Variants in CCDC102B observed in about 807,000 individuals in gnomAD.
CCDC102B encodes coiled-coil domain-containing protein 102B.
In CCDC102B, 75 loss-of-function variants were observed where a neutral mutation model predicts 57.4. The ratio of observed to expected loss-of-function variants is 1.31; its 90% CI spans 1.08 to 1.58. CCDC102B has a LOEUF of 1.58. Among genes scored for constraint, CCDC102B ranks in the 40% most tolerant of loss-of-function variants. CCDC102B has a pLI of 0.00. For synonymous variants in CCDC102B, 206 were observed against 201.9 expected (o/e 1.02, Z -0.17); for missense variants, 636 against 582.6 (o/e 1.09, Z -0.94).
chr18:68,963,618 A>T (rs938657092), intron 6 of CCDC102B, among the ~76,000 whole-genome samples: 1 of 151,800 alleles, frequency 6.6e-6, no homozygotes, highest in African/African-American at 2.4e-5. Flanking sequence ...ATATTGGGAT[A>T]ATCTGGCCTC....
intron 7 of CCDC102B, among the ~76,000 whole-genome samples, chr18:69,011,945 A>T (rs1051082434): frequency 1.6e-4 from 25 of 152,218 alleles, no homozygotes; most frequent in Non-Finnish European, 5.9e-5. Context: ...ATTTGTTTTT[A>T]GTAAAAACAA....
At chr18:68,900,602 G>C in intron 6 of CCDC102B, among the ~76,000 whole-genome samples, 1 of 152,102 alleles carries the variant, frequency 6.6e-6, no homozygotes, top group African/African-American at 2.4e-5. Context: ...TAGTGGCATC[G>C]AAAGTGGGGT....
chr18:68,982,789 AAC>A (rs2050625622), intron 6 of CCDC102B, among the ~76,000 whole-genome samples: 1 of 151,944 alleles, frequency 6.6e-6, no homozygotes, highest in African/African-American at 2.4e-5. Context: ...ATAAAAATTA[AAC>A]AGTGTCTCAT....
chr18:68,821,469 A>G (rs901569635), intron 1 of CCDC102B, among the ~76,000 whole-genome samples: 3 of 151,606 alleles, frequency 2.0e-5, no homozygotes, highest in African/African-American at 4.8e-5. Flanking sequence ...TTAGACTCAC[A>G]TACAATATTT....
At chr18:68,853,277 G>A (rs2038216552) in intron 4 of CCDC102B, among the ~76,000 whole-genome samples, 2 of 152,042 alleles carry the variant, frequency 1.3e-5, no homozygotes, top group Admixed American at 6.5e-5. Context: ...ACTTTTTTAA[G>A]AATACCTACA....
intron 6 of CCDC102B, among the ~76,000 whole-genome samples, chr18:68,937,831 C>G (rs1012764273): frequency 6.6e-6 from 1 of 151,782 alleles, no homozygotes; most frequent in East Asian, 2.0e-4. Context: ...TTGTTCAACT[C>G]CCACTTACGA....
At chr18:68,925,467 G>GGGGGTAA (rs1488349052) in intron 6 of CCDC102B, among the ~76,000 whole-genome samples, 1 of 151,980 alleles carries the variant, frequency 6.6e-6, no homozygotes, top group Admixed American at 6.6e-5. Flanking sequence ...CTGAGGGGTA[G>GGGGGTAA]GGGGTGACAT....
chr18:68,946,888 C>T (rs973856117), intron 6 of CCDC102B, among the ~76,000 whole-genome samples: 1 of 151,622 alleles, frequency 6.6e-6, no homozygotes, highest in Non-Finnish European at 1.5e-5. Context: ...TGCTGCAGGC[C>T]CTTGGTTTCT....
intron 7 of CCDC102B, among the ~76,000 whole-genome samples, chr18:69,033,106 A>G (rs1298714402): frequency 6.6e-6 from 1 of 152,130 alleles, no homozygotes. Context: ...CATAGATTCA[A>G]GTGACACAAT....
rs202008892 is a variant in CCDC102B at position 68,804,864 on chromosome 18, C to CTT, written c.-16+6697_-16+6698dup. Among the ~76,000 whole-genome samples, 150 of 140,852 alleles carry CTT rather than the reference C, an allele frequency of 1.1e-3. 1 individual carries two copies. In the East Asian group the frequency reaches 0.014, roughly 13 times the overall value. 92.4% of individuals were successfully genotyped at this position (140,852 alleles called of 152,430 possible). A position where few individuals can be genotyped will look rare whatever the true frequency, so the allele number is the denominator to read the frequency against. On this transcript the variant is annotated intron_variant, in intron 1 of 7. Coordinates refer to ENST00000360242, the MANE Select transcript of CCDC102B (RefSeq NM_024781.3). ...ATGGCTGCTGGGTTGGGATCAAAAT[C>CTT]TTTTTTTTTTTTTTTATGTTGAGGG...
At chr18:68,720,600 T>C (rs779626901) in intron 2 of CCDC102B, among the ~76,000 whole-genome samples, 12 of 152,222 alleles carry the variant, frequency 7.9e-5, no homozygotes, top group Non-Finnish European at 1.6e-4. Context: ...ATGGAATCTT[T>C]TACCAGACTC....
chr18:68,874,210 GTGTATATA>G (rs1164026213), intron 4 of CCDC102B, among the ~76,000 whole-genome samples: 2 of 126,776 alleles, frequency 1.6e-5, no homozygotes, highest in African/African-American at 2.9e-5. Flanking sequence ...GTGTGTGTGT[GTGTATATA>G]TATATACTTT....
chr18:68,856,673 G>A (rs1485743355), intron 4 of CCDC102B, among the ~76,000 whole-genome samples: 1 of 152,116 alleles, frequency 6.6e-6, no homozygotes, highest in Non-Finnish European at 1.5e-5. Context: ...CAGGAAGAGA[G>A]AGGGAGCTTA....
chr18:68,880,705 T>C lies in CCDC102B; in HGVS notation c.1053+5920T>C, dbSNP rs144997570. 2.4e-4 allele frequency among the ~76,000 whole-genome samples: 37 copies of C among 152,360 alleles called. No individual in the cohort carries two copies. In the East Asian group the frequency reaches 6.9e-3, roughly 29 times the overall value. ...AGTAAATTGTTTCTCTCAAATACTATTAGAAATTCTCCTGCATTTGAATAT... is the reference window on the plus strand; with the variant it reads ...AGTAAATTGTTTCTCTCAAATACTACTAGAAATTCTCCTGCATTTGAATAT... On this transcript the variant is annotated intron_variant, in intron 5 of 7. Coordinates refer to ENST00000360242, the MANE Select transcript of CCDC102B (RefSeq NM_024781.3).
chr18:69,025,157 G>A (rs1299892821), intron 7 of CCDC102B, among the ~76,000 whole-genome samples: 1 of 152,070 alleles, frequency 6.6e-6, no homozygotes, highest in Non-Finnish European at 1.5e-5. Context: ...CTAATCGTGT[G>A]AACAGAGAAA....
intron 2 of CCDC102B, among the ~76,000 whole-genome samples, chr18:68,755,350 C>T (rs555610808): frequency 5.9e-5 from 9 of 152,204 alleles, no homozygotes; most frequent in African/African-American, 1.4e-4. Flanking sequence ...GAGACAGGCC[C>T]CGCTGTGGCT....
intron 1 of CCDC102B, among the ~76,000 whole-genome samples, chr18:68,804,354 G>A (rs2035958329): frequency 1.3e-5 from 2 of 152,170 alleles, no homozygotes; most frequent in Non-Finnish European, 2.9e-5. Context: ...CCTTAGTGAT[G>A]TTAAGTGGGC....
At chr18:68,845,797 G>A (rs2144815647) in intron 3 of CCDC102B, among the ~76,000 whole-genome samples, 1 of 151,776 alleles carries the variant, frequency 6.6e-6, no homozygotes, top group African/African-American at 2.4e-5. Context: ...AAGGATCCCA[G>A]TGAAATTTCT....
intron 2 of CCDC102B, among the ~76,000 whole-genome samples, chr18:68,759,392 G>C (rs763581768): frequency 6.6e-6 from 1 of 151,978 alleles, no homozygotes; most frequent in Non-Finnish European, 1.5e-5. Flanking sequence ...ACATAAATAC[G>C]TAGCAAGACA....
Sources: gnomAD v4.1 joint callset for allele counts (sites outside exome capture counted in the v4.1 genomes callset) on GRCh38, gnomAD v4.1.1 for gene constraint, MANE v1.5 for transcripts, NCBI Gene and HGNC (gene_info 2026-07-23, HGNC 2026-07-21) for gene names.